The following SFMBT2 variants were observed in gnomAD, a reference collection of about 807,000 sequenced individuals.
SFMBT2 encodes scm-like with four MBT domains protein 2.
In SFMBT2, 38 loss-of-function variants were observed where a neutral mutation model predicts 110.1. That is an observed-to-expected ratio of 0.35 (90% CI 0.27 to 0.45). The LOEUF (loss-of-function observed/expected upper bound fraction) is 0.45, where lower values mean the gene tolerates loss of function less well. Ranked by LOEUF, SFMBT2 falls within the 20% of genes least tolerant of loss-of-function variation. SFMBT2 has a pLI of 1.00. For synonymous variants in SFMBT2, 425 were observed against 425.4 expected (o/e 1.00, Z 0.01); for missense variants, 1,011 against 1,094.9 (o/e 0.92, Z 1.08).
chr10:7,298,308 C>G (rs1239121913), intron 4 of SFMBT2, among the ~76,000 whole-genome samples: 2 of 152,146 alleles, frequency 1.3e-5, no homozygotes, highest in Admixed American at 6.5e-5. Flanking sequence ...GTACTGAGCA[C>G]CCCCTAGACA....
intron 4 of SFMBT2, among the ~76,000 whole-genome samples, chr10:7,310,473 G>C (rs1218629148): frequency 6.6e-6 from 1 of 152,212 alleles, no homozygotes; most frequent in Non-Finnish European, 1.5e-5. Context: ...GAAACAGACA[G>C]TGATAAAGGG....
At chr10:7,358,595 CATCTGCATGGCCCTGGAAT>C (rs1266692376) in intron 4 of SFMBT2, among the ~76,000 whole-genome samples, 2 of 152,110 alleles carry the variant, frequency 1.3e-5, no homozygotes, top group Non-Finnish European at 2.9e-5. Context: ...GGCCCTAGAA[CATCTGCATGGCCCTGGAAT>C]GGAGGCACGG....
chr10:7,227,894 C>T lies in SFMBT2; in HGVS notation c.1164G>A (p.Gln388=), dbSNP rs368243016. The change falls in exon 10 of 21, where the codon CAG becomes CAA. Residue 388 remains glutamine, a synonymous_variant. Coordinates refer to ENST00000397167, the MANE Select transcript of SFMBT2 (RefSeq NM_001387889.1). ...QDFDWADYHK[Q]HGAQEAPPFC... ...AGGGAGGGGCTTCCTGCGCCCCATG[C>T]TGCTTGTGATAATCTGCCCAGTCGA... The T allele has an allele frequency of 4.2e-5, 68 of 1,608,376 alleles. No individual in the cohort carries two copies. The highest frequency in any genetic ancestry group is 5.3e-5 in the Non-Finnish European group (63 of 1,178,180).
At chr10:7,387,471 C>T (rs1257651066) in intron 1 of SFMBT2, among the ~76,000 whole-genome samples, 2 of 152,106 alleles carry the variant, frequency 1.3e-5, no homozygotes, top group African/African-American at 4.8e-5. Flanking sequence ...CACACATAAC[C>T]ACCACCAAGT....
At chr10:7,216,572 C>A (rs570639523) in intron 11 of SFMBT2, among the ~76,000 whole-genome samples, 17 of 152,184 alleles carry the variant, frequency 1.1e-4, no homozygotes, top group Non-Finnish European at 2.5e-4. Flanking sequence ...AATACAGTGG[C>A]TCAAGTGACT....
chr10:7,362,171 C>T (rs1844742388), intron 4 of SFMBT2, among the ~76,000 whole-genome samples: 1 of 152,148 alleles, frequency 6.6e-6, no homozygotes, highest in Admixed American at 6.6e-5. Flanking sequence ...TTCCTTAATA[C>T]TTTTAATATG....
intron 4 of SFMBT2, among the ~76,000 whole-genome samples, chr10:7,297,517 G>C (rs538277569): frequency 4.2e-4 from 64 of 152,206 alleles, no homozygotes; most frequent in African/African-American, 1.5e-3. Context: ...GAGGGAGAGA[G>C]AAAAGGAGGG....
intron 1 of SFMBT2, among the ~76,000 whole-genome samples, chr10:7,386,181 ATG>A (rs756648233): frequency 2.0e-5 from 3 of 152,148 alleles, no homozygotes; most frequent in African/African-American, 4.8e-5. Context: ...TGCTGAGTGT[ATG>A]TGTGTATTTT....
chr10:7,322,317 A>G (rs919109561), intron 4 of SFMBT2, among the ~76,000 whole-genome samples: 6 of 152,144 alleles, frequency 3.9e-5, no homozygotes, highest in Non-Finnish European at 4.4e-5. Flanking sequence ...CAGCCATGTG[A>G]AACTCTGAGT....
chr10:7,341,364 C>T (rs778136259), intron 4 of SFMBT2, among the ~76,000 whole-genome samples: 34 of 152,204 alleles, frequency 2.2e-4, no homozygotes, highest in Non-Finnish European at 3.8e-4. Context: ...TTAAATCTAA[C>T]GTTCATTCTG....
intron 8 of SFMBT2, chr10:7,244,070 C>T (rs985779852): frequency 5.6e-6 from 5 of 895,990 alleles, no homozygotes; most frequent in South Asian, 5.1e-5. Context: ...AAAGTGAAAC[C>T]GTTTCTCAGT....
intron 1 of SFMBT2, among the ~76,000 whole-genome samples, chr10:7,406,750 G>A (rs1846222392): frequency 6.6e-6 from 1 of 152,198 alleles, no homozygotes; most frequent in African/African-American, 2.4e-5. Context: ...TCTCCAGCAG[G>A]ACCTGCTGTT....
intron 8 of SFMBT2, among the ~76,000 whole-genome samples, chr10:7,247,693 T>C (rs1203908577): frequency 6.6e-6 from 1 of 152,214 alleles, no homozygotes; most frequent in Non-Finnish European, 1.5e-5. Context: ...TTTAAATCTT[T>C]AATTAAATTC....
chr10:7,231,973 G>A (rs1054799042), intron 9 of SFMBT2, among the ~76,000 whole-genome samples: 2 of 152,174 alleles, frequency 1.3e-5, no homozygotes, highest in African/African-American at 4.8e-5. Flanking sequence ...ACGTACTAAG[G>A]CTTAACTGTG....
chr10:7,169,224 C>T (rs999553991), intron 20 of SFMBT2, among the ~76,000 whole-genome samples: 8 of 152,262 alleles, frequency 5.3e-5, no homozygotes, highest in African/African-American at 1.9e-4. Context: ...TCTCGGCCTC[C>T]CAAAGTGTTA....
chr10:7,185,210 A>G (rs1838360279), intron 16 of SFMBT2, among the ~76,000 whole-genome samples: 1 of 152,234 alleles, frequency 6.6e-6, no homozygotes, highest in African/African-American at 2.4e-5. Context: ...ACATACACAG[A>G]AATGCAGTCT....
At chr10:7,389,894 C>A (rs766813942) in intron 1 of SFMBT2, among the ~76,000 whole-genome samples, 5 of 152,206 alleles carry the variant, frequency 3.3e-5, no homozygotes, top group Non-Finnish European at 5.9e-5. Context: ...CCCTCTCAAC[C>A]CTATCTTTCC....
chr10:7,285,877 G>A lies in SFMBT2; in HGVS notation c.514C>T (p.Leu172Phe). 1.1e-6 allele frequency: 1 copy of A among 872,674 alleles called. No homozygotes were observed. The highest frequency in any genetic ancestry group is 2.0e-6 in the Non-Finnish European group (1 of 501,610). The allele number at this position is 872,674 out of a possible 1,614,324, so 54.1% of individuals were successfully genotyped here. Residue 172 changes from leucine (L) to phenylalanine (F), a missense_variant, in exon 5 of 21, where the codon CTC becomes TTC. Leu to Phe is a conservative substitution (Grantham distance 22). This residue lies in a region of SFMBT2 where 979 missense variants were observed against 1,016.1 expected (regional missense o/e 0.96). Transcript: ENST00000397167. ...LTGSRTAPAN[L>F]LEGPLRGKGP... Reference sequence around the variant, plus strand: ...ACAACAATACATACACCTTCCAGGAGGTTGGCGGGTGCTGTCCTCGAACCA... The same window carrying A: ...ACAACAATACATACACCTTCCAGGAAGTTGGCGGGTGCTGTCCTCGAACCA...
chr10:7,314,975 AGG>A lies in SFMBT2; in HGVS notation c.437-29023_437-29022del, dbSNP rs371699066. Among the ~76,000 whole-genome samples, 721 of 149,956 alleles carry A rather than the reference AGG, an allele frequency of 4.8e-3. 6 individuals carry two copies. Among genetic ancestry groups the A allele is most frequent in the African/African-American group, 0.016 (652 of 40,558 alleles). On this transcript the variant is annotated intron_variant, in intron 4 of 20. Coordinates refer to ENST00000397167, the MANE Select transcript of SFMBT2 (RefSeq NM_001387889.1). ...AGAGAAAGAAAAGAGAGAGAGAGAG[AGG>A]GAGAAAGAGAAAGAAAGAAAGAAAA...
Sources: allele counts gnomAD v4.1 joint callset (sites outside exome capture counted in the v4.1 genomes callset), GRCh38; gene constraint gnomAD v4.1.1; regional missense constraint gnomAD v4.1.1; transcripts MANE v1.5; gene names NCBI Gene and HGNC (gene_info 2026-07-23, HGNC 2026-07-21).